The following KDM2B variants were observed in gnomAD, a reference collection of about 807,000 sequenced individuals.
The protein encoded by KDM2B is lysine demethylase 2B, also known as lysine-specific demethylase 2B.
In KDM2B, 26 loss-of-function variants were observed where a neutral mutation model predicts 150.0. The ratio of observed to expected loss-of-function variants is 0.17; its 90% CI spans 0.13 to 0.24. The LOEUF (loss-of-function observed/expected upper bound fraction) is 0.24. Ranked by LOEUF, KDM2B falls within the 10% of genes least tolerant of loss-of-function variation. KDM2B has a pLI of 1.00. For synonymous variants in KDM2B, 734 were observed against 729.5 expected, an observed-to-expected ratio of 1.01 and a Z score of -0.10; for missense variants, 1,265 against 1,816.9, an observed-to-expected ratio of 0.70 and a Z score of 5.52.
At chr12:121,476,412 C>T (rs189429356) in intron 12 of KDM2B, among the ~76,000 whole-genome samples, 4 of 151,824 alleles carry the variant, frequency 2.6e-5, no homozygotes, top group Non-Finnish European at 5.9e-5. Flanking sequence ...GCTATGATCA[C>T]GCCACTGCAC....
rs532890200 is a variant in KDM2B, at chr12:121,533,408, C to T, written c.778-449G>A. 2.7e-4 allele frequency among the ~76,000 whole-genome samples: 41 copies of T among 152,308 alleles called. No individual in the cohort carries two copies. The South Asian group carries it at 7.7e-3, about 28-fold the overall frequency. ...CTTCCTCCCAGAATTTCTTCCAACA[C>T]GTTCAGTTAAAACAAACGCACATGC... On this transcript the variant is annotated intron_variant, in intron 7 of 22. Transcript: ENST00000377071. This position sits in a 1 kb window ranked among gnomAD's most constrained non-coding sequence, Gnocchi z 4.1.
chr12:121,450,019 C>A (rs1177461300), intron 13 of KDM2B, among the ~76,000 whole-genome samples: 2 of 152,052 alleles, frequency 1.3e-5, no homozygotes, highest in African/African-American at 4.8e-5. Context: ...CAACAAAAAC[C>A]CCCAAAAGAA....
rs144767213 is a variant in KDM2B at position 121,445,398 on chromosome 12, G to A, written c.1980C>T (p.Ala660=). The A allele has an allele frequency of 8.4e-4, 1,341 of 1,603,882 alleles. 1 individual carries two copies. Among genetic ancestry groups the A allele is most frequent in the Non-Finnish European group, 1.1e-3 (1,272 of 1,174,420 alleles). Residue 660 remains alanine, a synonymous_variant, in exon 14 of 23, where the codon GCC becomes GCT. Transcript: ENST00000377071. ...QCIAPVLPHT[A]VCLVCGEAGK... Reference sequence around the variant, plus strand: ...CCGCCTCGCCACACACAAGGCACACGGCGGTGTGGGGCAGCACTGGCTGAG... The same window carrying A: ...CCGCCTCGCCACACACAAGGCACACAGCGGTGTGGGGCAGCACTGGCTGAG...
At position 121,549,706 on chromosome 12, in the gene KDM2B, C is replaced by A. The variant is rs1555311443; in HGVS notation, c.398-68G>T. The A allele has an allele frequency of 2.1e-6, 3 of 1,417,308 alleles. No individual in the cohort carries two copies. The African/African-American group carries it at 4.3e-5, about 20-fold the overall frequency. 87.8% of individuals were successfully genotyped at this position (1,417,308 alleles called of 1,614,324 possible). A position where few individuals can be genotyped will look rare whatever the true frequency, so the allele number is the denominator to read the frequency against. On this transcript the variant is annotated intron_variant, in intron 4 of 22. Transcript: ENST00000377071. This position sits in a 1 kb window ranked among gnomAD's most constrained non-coding sequence, Gnocchi z 4.4. ...GGCTCCAGATCCTACATGGGAGCCC[C>A]TCACTAAACAAAAGCTGCTCCTCCA...
At position 121,429,949 on chromosome 12, in the gene KDM2B, A is replaced by G. The variant is rs1031164659; in HGVS notation, c.*339T>C. ...GTGTTGCAAGGAATGAAGTGTCCAA[A>G]ACACCACTACCACTAACAGAAACTC... On this transcript the variant is annotated 3_prime_UTR_variant, in exon 23 of 23. Coordinates refer to ENST00000377071, the MANE Select transcript of KDM2B (RefSeq NM_032590.5). 1 of 672,214 alleles carries G rather than the reference A, an allele frequency of 1.5e-6. No individual in the cohort carries two copies. The highest frequency in any genetic ancestry group is 2.7e-6 in the Non-Finnish European group (1 of 376,588). The allele number at this position is 672,214 out of a possible 1,614,324, so 41.6% of individuals were successfully genotyped here.
chr12:121,444,783 C>T, intron 14 of KDM2B: 1 of 564,044 alleles, frequency 1.8e-6, no homozygotes, highest in South Asian at 2.0e-5. Flanking sequence ...CACTCCGTCT[C>T]TGTGGGCTGG....
chr12:121,537,937 C>T lies in KDM2B; in HGVS notation c.684-3347G>A, dbSNP rs1555309023. Reference sequence around the variant, plus strand: ...CCTCGGCGGCGGCGGCGGCGGCTCCCGTGCGTCCCCTTCGGCTCCCGGGCG... The same window carrying T: ...CCTCGGCGGCGGCGGCGGCGGCTCCTGTGCGTCCCCTTCGGCTCCCGGGCG... On this transcript the variant is annotated intron_variant, in intron 6 of 22. Coordinates refer to ENST00000377071, the MANE Select transcript of KDM2B (RefSeq NM_032590.5). This position sits in a 1 kb window ranked among gnomAD's most constrained non-coding sequence, Gnocchi z 8.7. Among the ~76,000 whole-genome samples, 3 of 150,782 alleles carry T rather than the reference C, an allele frequency of 2.0e-5. No homozygotes were observed. The highest frequency in any genetic ancestry group is 4.8e-5 in the African/African-American group (2 of 41,246).
chr12:121,445,515 C>A (rs10774596), intron 13 of KDM2B, 97 bp from the exon 14 acceptor site: 487,036 of 1,296,828 alleles, frequency 0.38, 95,843 homozygotes, highest in East Asian at 0.42. Context: ...CCCCTTGGGC[C>A]TGCCAGGAGA....
At position 121,521,429 on chromosome 12, in the gene KDM2B, G is replaced by A. The variant is rs1555305942; in HGVS notation, c.932-329C>T. Among the ~76,000 whole-genome samples, 2 of 152,160 alleles carry A rather than the reference G, an allele frequency of 1.3e-5. No individual in the cohort carries two copies. The highest frequency in any genetic ancestry group is 4.8e-5 in the African/African-American group (2 of 41,438). On this transcript the variant is annotated intron_variant, in intron 8 of 22. Coordinates refer to ENST00000377071, the MANE Select transcript of KDM2B (RefSeq NM_032590.5). This position sits in a 1 kb window ranked among gnomAD's most constrained non-coding sequence, Gnocchi z 4.9. ...GCTGCAATGGCCAGCAGAGAGGCAG[G>A]CCCTTTCTCCACCTCCATGCAGGCC...
In KDM2B at chr12:121,430,559, G is replaced by C; in HGVS notation, c.3830-90C>G. 1.2e-6 allele frequency: 1 copy of C among 839,932 alleles called. No homozygotes were observed. The highest frequency in any genetic ancestry group is 2.0e-6 in the Non-Finnish European group (1 of 489,052). The allele number at this position is 839,932 out of a possible 1,614,324, so 52.0% of individuals were successfully genotyped here. On this transcript the variant is annotated intron_variant, in intron 22 of 22. Coordinates refer to ENST00000377071, the MANE Select transcript of KDM2B (RefSeq NM_032590.5). The surrounding 1 kb of genome is among the most constrained non-coding windows in gnomAD (Gnocchi z 4.4). ...ACCCAGGCACTCAGCAGTGGGGACA[G>C]GTCAGAGCTCTACATATTCCAGTCC...
chr12:121,540,683 G>A (rs1179048388), intron 6 of KDM2B, among the ~76,000 whole-genome samples: 1 of 149,804 alleles, frequency 6.7e-6, no homozygotes, highest in Non-Finnish European at 1.5e-5. Flanking sequence ...GAACCCGGGA[G>A]GCAGAGGTTG....
chr12:121,415,248 TA>T, the KDM2B span: 25 of 287,082 alleles, frequency 8.7e-5, no homozygotes, highest in African/African-American at 3.7e-4. Flanking sequence ...CCAAGTCATT[TA>T]AAAAATTATT....
chr12:121,493,524 G>C (rs1053493297), intron 12 of KDM2B, among the ~76,000 whole-genome samples: 9 of 152,154 alleles, frequency 5.9e-5, no homozygotes, highest in African/African-American at 1.7e-4. Flanking sequence ...ACCTAGGACC[G>C]CCTTTGGAAG....
At chr12:121,514,149 CTGTCACCCAGGCTGGAG>C (rs1555304502) in intron 9 of KDM2B, among the ~76,000 whole-genome samples, 1 of 152,162 alleles carries the variant, frequency 6.6e-6, no homozygotes, top group Non-Finnish European at 1.5e-5. Flanking sequence ...TGTCCCACCT[CTGTCACCCAGGCTGGAG>C]TGCAGTGGCA....
At chr12:121,565,147 T>G (rs1890611086) in intron 4 of KDM2B, among the ~76,000 whole-genome samples, 1 of 149,774 alleles carries the variant, frequency 6.7e-6, no homozygotes, top group South Asian at 2.1e-4. Flanking sequence ...AAGGAAATCT[T>G]GGAAAAGAAC....
chr12:121,509,632 G>A lies in KDM2B; in HGVS notation c.1582C>T (p.Pro528Ser), dbSNP rs1555303508. Residue 528 changes from proline (P) to serine (S), a missense_variant, in exon 11 of 23, where the codon CCG becomes TCG. Pro to Ser is a moderately conservative substitution (Grantham distance 74). This residue lies in a region of KDM2B where 20 missense variants were observed against 49.5 expected (regional missense o/e 0.40). Transcript: ENST00000377071. ...KALVEKLESL[P>S]ENKKCVPEGI... is the part of the protein sequence containing the mutation. Reference sequence around the variant, plus strand: ...TCGGGGACACACTTCTTGTTCTCCGGGAGGGATTCCAGTTTCTCCACCAGA... The same window carrying A: ...TCGGGGACACACTTCTTGTTCTCCGAGAGGGATTCCAGTTTCTCCACCAGA... The A allele has an allele frequency of 4.3e-6, 7 of 1,613,856 alleles. No homozygotes were observed. The highest frequency in any genetic ancestry group is 5.1e-6 in the Non-Finnish European group (6 of 1,180,034).
chr12:121,524,817 T>C (rs539559403), intron 8 of KDM2B: 41 of 344,446 alleles, frequency 1.2e-4, no homozygotes, highest in East Asian at 5.3e-4. Flanking sequence ...ACAGAGGCTA[T>C]TCAGGCCAAG....
intron 12 of KDM2B, among the ~76,000 whole-genome samples, chr12:121,490,966 T>G (rs1555299796): frequency 6.6e-6 from 1 of 152,152 alleles, no homozygotes; most frequent in Non-Finnish European, 1.5e-5. Flanking sequence ...TGAGCACCCT[T>G]GATCTTTCAC....
chr12:121,551,667 C>T (rs1889509453), intron 4 of KDM2B, among the ~76,000 whole-genome samples: 1 of 152,188 alleles, frequency 6.6e-6, no homozygotes, highest in Non-Finnish European at 1.5e-5. Flanking sequence ...ATTCTCCTGC[C>T]TCAGCCTCCC....
Sources: allele counts gnomAD v4.1 joint callset (sites outside exome capture counted in the v4.1 genomes callset), GRCh38; gene constraint gnomAD v4.1.1; regional missense constraint gnomAD v4.1.1; non-coding constraint Gnocchi (gnomAD v3.1); transcripts MANE v1.5; gene names NCBI Gene and HGNC (gene_info 2026-07-23, HGNC 2026-07-21).